Variants in XPNPEP1 observed in about 807,000 individuals in gnomAD.
XPNPEP1 encodes X-prolyl aminopeptidase 1.
In XPNPEP1, 39 loss-of-function variants were observed where a neutral mutation model predicts 92.4. The observed-to-expected ratio is 0.42, with a 90% confidence interval of 0.33 to 0.55. The LOEUF (loss-of-function observed/expected upper bound fraction) is 0.55, where lower values mean the gene tolerates loss of function less well. Ranked by LOEUF, XPNPEP1 falls within the 20% of genes least tolerant of loss-of-function variation. The pLI, the probability that XPNPEP1 is intolerant of heterozygous loss-of-function variation, is 0.08. For missense variants in XPNPEP1, 654 were observed against 856.1 expected (o/e 0.76, Z 2.95); for synonymous variants, 307 against 299.4 (o/e 1.03, Z -0.26).
intron 1 of XPNPEP1, 126 bp downstream of exon 1, chr10:109,923,276 C>T (rs1385125739): frequency 4.1e-6 from 5 of 1,209,404 alleles, no homozygotes; most frequent in African/African-American, 3.2e-5. Context: ...GAGCGCGGCC[C>T]TCGCCAGACT....
chr10:109,885,362 A>C (rs777683177), intron 8 of XPNPEP1, among the ~76,000 whole-genome samples: 1 of 152,224 alleles, frequency 6.6e-6, no homozygotes, highest in South Asian at 2.1e-4. Flanking sequence ...ATTATCTCTA[A>C]GTAACAGAAT....
chr10:109,868,289 T>C (rs1847250099), intron 20 of XPNPEP1, among the ~76,000 whole-genome samples: 1 of 152,060 alleles, frequency 6.6e-6, no homozygotes, highest in Middle Eastern at 3.2e-3. Flanking sequence ...TAGGCTCATA[T>C]TTGCTAAACA....
rs1426686345 is a variant in XPNPEP1 at position 109,911,864 on chromosome 10, C to T, written c.121+3147G>A. ...TGCCTTCCATTCAGGTACATTCTGA[C>T]GTAAGGATTTTGGTGGCACTGACTG... is the stretch of plus-strand genomic sequence containing the variant. On this transcript the variant is annotated intron_variant, in intron 2 of 20. Coordinates refer to ENST00000502935, the MANE Select transcript of XPNPEP1 (RefSeq NM_020383.4). Among the ~76,000 whole-genome samples, 4 of 152,286 alleles carry T rather than the reference C, an allele frequency of 2.6e-5. No individual in the cohort carries two copies. The South Asian group carries it at 6.2e-4, about 24-fold the overall frequency.
intron 3 of XPNPEP1, among the ~76,000 whole-genome samples, chr10:109,894,614 C>T (rs1373014479): frequency 6.6e-6 from 1 of 151,212 alleles, no homozygotes; most frequent in Non-Finnish European, 1.5e-5. Context: ...AGCCTCAAAC[C>T]AGCCTCCAGG....
chr10:109,882,876 T>C (rs193246573), intron 9 of XPNPEP1, among the ~76,000 whole-genome samples: 14 of 152,254 alleles, frequency 9.2e-5, no homozygotes, highest in African/African-American at 3.1e-4. Context: ...GATGACCCTC[T>C]TCCCGTCCTT....
intron 15 of XPNPEP1, among the ~76,000 whole-genome samples, chr10:109,874,906 G>A (rs181665671): frequency 6.5e-4 from 99 of 152,232 alleles, no homozygotes; most frequent in African/African-American, 2.2e-3. Flanking sequence ...CCGAGATCAC[G>A]CCACTGCACT....
chr10:109,917,141 T>C (rs1589639829), intron 1 of XPNPEP1, among the ~76,000 whole-genome samples: 1 of 152,068 alleles, frequency 6.6e-6, no homozygotes, highest in Non-Finnish European at 1.5e-5. Flanking sequence ...CTAGGGTAAG[T>C]AGGCAAGAAA....
intron 1 of XPNPEP1, among the ~76,000 whole-genome samples, chr10:109,918,883 G>T (rs543610532): frequency 1.7e-5 from 2 of 118,268 alleles, no homozygotes; most frequent in Non-Finnish European, 3.5e-5. Flanking sequence ...AAGGAAGGAA[G>T]GAAGGAAGGA....
At chr10:109,879,047 C>T (rs1847938455) in intron 12 of XPNPEP1, among the ~76,000 whole-genome samples, 1 of 150,660 alleles carries the variant, frequency 6.6e-6, no homozygotes, top group East Asian at 2.0e-4. Context: ...TCGAGACCAT[C>T]CTGGCTAACA....
At position 109,878,278 on chromosome 10, in the gene XPNPEP1, T is replaced by C. The variant is rs1847891486; in HGVS notation, c.1183-220A>G. ...ATTCATTTAATTTTTCACTCAACTATTGTGCTTCAGTATTTTATCCTAAAA... is the reference window on the plus strand; with the variant it reads ...ATTCATTTAATTTTTCACTCAACTACTGTGCTTCAGTATTTTATCCTAAAA... On this transcript the variant is annotated intron_variant, in intron 12 of 20. Coordinates refer to ENST00000502935, the MANE Select transcript of XPNPEP1 (RefSeq NM_020383.4). 1.1e-5 allele frequency: 6 copies of C among 533,692 alleles called. No individual in the cohort carries two copies. The Admixed American group carries it at 1.3e-4, about 12-fold the overall frequency. 33.1% of individuals were successfully genotyped at this position (533,692 alleles called of 1,614,324 possible).
chr10:109,877,565 A>G, intron 14 of XPNPEP1: 1 of 580,606 alleles, frequency 1.7e-6, no homozygotes. Flanking sequence ...TACCCTGCAG[A>G]GAATGCCAGT....
intron 7 of XPNPEP1, among the ~76,000 whole-genome samples, chr10:109,886,717 G>A (rs1848411248): frequency 6.6e-6 from 1 of 152,204 alleles, no homozygotes; most frequent in Admixed American, 6.5e-5. Flanking sequence ...AATTAAACCA[G>A]CAATTAACAC....
At position 109,916,317 on chromosome 10, in the gene XPNPEP1, G is replaced by GT. The variant is rs137926068; in HGVS notation, c.33-1219dup. On this transcript the variant is annotated intron_variant, in intron 1 of 20. Coordinates refer to ENST00000502935, the MANE Select transcript of XPNPEP1 (RefSeq NM_020383.4). ...CAAGTGCAAAGGCCATGAGGCAGGA[G>GT]TATGTCTAGTTTACCTGAGGAAAAG... 9.8e-3 allele frequency among the ~76,000 whole-genome samples: 1,494 copies of GT among 151,952 alleles called. 30 individuals carry two copies. Among genetic ancestry groups the GT allele is most frequent in the African/African-American group, 0.035 (1,445 of 41,394 alleles).
intron 15 of XPNPEP1, among the ~76,000 whole-genome samples, chr10:109,874,260 G>A (rs1221960982): frequency 2.0e-5 from 3 of 152,126 alleles, no homozygotes; most frequent in Non-Finnish European, 2.9e-5. Context: ...GCTGTTTCAC[G>A]AGAGACACTA....
intron 11 of XPNPEP1, among the ~76,000 whole-genome samples, 192 bp from the exon 12 acceptor site, chr10:109,880,430 C>T (rs1848027122): frequency 1.3e-5 from 2 of 152,176 alleles, no homozygotes; most frequent in African/African-American, 4.8e-5. Context: ...GGAAAGGCTC[C>T]TCTGCTATTC....
At position 109,923,438 on chromosome 10, in the gene XPNPEP1, C is replaced by G. The variant is rs1385348724; in HGVS notation, c.-5G>C. On this transcript the variant is annotated 5_prime_UTR_variant, in exon 1 of 21. Coordinates refer to ENST00000502935, the MANE Select transcript of XPNPEP1 (RefSeq NM_020383.4). ...TGGCTTTCTGGAGGCTGCCATTCGG[C>G]GGTGACGTGCCCCAGCCCACGTCAG... 10 of 1,438,074 alleles carry G rather than the reference C, an allele frequency of 7.0e-6. No homozygotes were observed. In the East Asian group the frequency reaches 2.9e-4, roughly 42 times the overall value. The allele number at this position is 1,438,074 out of a possible 1,614,324, so 89.1% of individuals were successfully genotyped here. A position where few individuals can be genotyped will look rare whatever the true frequency, so the allele number is the denominator to read the frequency against.
chr10:109,915,245 A>C, intron 1 of XPNPEP1, 146 bp from the exon 2 acceptor site: 1 of 425,668 alleles, frequency 2.3e-6, no homozygotes, highest in East Asian at 3.5e-5. Flanking sequence ...CAGAATAAAT[A>C]AAAGTTTGAT....
intron 3 of XPNPEP1, among the ~76,000 whole-genome samples, chr10:109,904,858 C>A (rs1313121929): frequency 1.3e-5 from 2 of 151,980 alleles, no homozygotes; most frequent in Admixed American, 6.6e-5. Context: ...TGGAAGTTCC[C>A]CCAAAAATTA....
chr10:109,881,758 A>G (rs1290657848), intron 10 of XPNPEP1, among the ~76,000 whole-genome samples: 6 of 152,220 alleles, frequency 3.9e-5, no homozygotes, highest in Admixed American at 2.0e-4. Flanking sequence ...ACCTCTAAAG[A>G]GGCCTGGATT....
Sources: allele counts gnomAD v4.1 joint callset (sites outside exome capture counted in the v4.1 genomes callset), GRCh38; gene constraint gnomAD v4.1.1; transcripts MANE v1.5; gene names NCBI Gene and HGNC (gene_info 2026-07-23, HGNC 2026-07-21).